The following PLCG2 variants were observed in gnomAD, a reference collection of about 807,000 sequenced individuals.
PLCG2 encodes the protein 1-phosphatidylinositol 4,5-bisphosphate phosphodiesterase gamma-2.
A neutral mutation model predicts 175.6 loss-of-function variants in PLCG2; 69 were observed. The observed-to-expected ratio is 0.39, with a 90% CI of 0.32 to 0.48. PLCG2 has a LOEUF of 0.48. PLCG2 is among the 20% of genes least tolerant of loss of function. The probability of loss-of-function intolerance (pLI) is 0.91; values close to 1 mark genes in which losing one functional copy is unlikely to be tolerated. For missense variants in PLCG2, 1,798 were observed against 1,650.9 expected (o/e 1.09, Z -1.54); for synonymous variants, 827 against 624.0 (o/e 1.33, Z -4.85).
At chr16:81,908,110 C>G (rs1393163878) in intron 16 of PLCG2, among the ~76,000 whole-genome samples, 1 of 152,226 alleles carries the variant, frequency 6.6e-6, no homozygotes, top group Non-Finnish European at 1.5e-5. Context: ...TTTATTTCTG[C>G]AGCCCCCAGG....
chr16:81,746,795 C>T (rs538097340), intron 1 of PLCG2, among the ~76,000 whole-genome samples: 2 of 152,298 alleles, frequency 1.3e-5, no homozygotes, highest in East Asian at 3.9e-4. Context: ...GTGCCTGACA[C>T]ACCTTCATTG....
At chr16:81,790,237 G>C (rs1486822602) in intron 2 of PLCG2, among the ~76,000 whole-genome samples, 3 of 152,202 alleles carry the variant, frequency 2.0e-5, no homozygotes, top group Non-Finnish European at 4.4e-5. Flanking sequence ...AACTAGTGGA[G>C]TCCAGCCTAT....
At chr16:81,824,848 G>A (rs1904976069) in intron 2 of PLCG2, among the ~76,000 whole-genome samples, 1 of 152,212 alleles carries the variant, frequency 6.6e-6, no homozygotes, top group South Asian at 2.1e-4. Flanking sequence ...ATTTTTGCAT[G>A]TGTGATTAAG....
chr16:81,949,354 A>C (rs1226810292), intron 31 of PLCG2, among the ~76,000 whole-genome samples: 2 of 152,188 alleles, frequency 1.3e-5, no homozygotes, highest in African/African-American at 4.8e-5. Flanking sequence ...GTTAAGTTCC[A>C]AGGATAAATT....
exon 2 of PLCG2, chr16:81,755,938 G>A (rs1232347653): frequency 3.3e-5 from 5 of 152,372 alleles, no homozygotes; most frequent in African/African-American, 1.2e-4. Context: ...AGTCCATCTG[G>A]AAGACGGTCC....
At chr16:81,758,844 A>G (rs939937809) in intron 2 of PLCG2, among the ~76,000 whole-genome samples, 5 of 151,934 alleles carry the variant, frequency 3.3e-5, no homozygotes, top group Non-Finnish European at 4.4e-5. Flanking sequence ...TGCCCAGCTA[A>G]TTTTTATATT....
Position 81,936,396 on chromosome 16 carries a change from G to C in PLCG2, c.3052+18G>C, listed in dbSNP as rs540738130. ...GACGGCAGGTAAAGGCCGACTGAAG[G>C]TAGTCCCGTCCCTGCAAGGTGGCGG... On this transcript the variant is annotated intron_variant, in intron 27 of 32. Transcript: ENST00000564138. 3 of 1,606,760 alleles carry C rather than the reference G, an allele frequency of 1.9e-6. No homozygotes were observed. In the South Asian group the frequency reaches 3.3e-5, roughly 18 times the overall value.
At chr16:81,771,072 AT>A (rs1172752134) in intron 2 of PLCG2, among the ~76,000 whole-genome samples, 12 of 147,410 alleles carry the variant, frequency 8.1e-5, no homozygotes, top group African/African-American at 2.6e-4. Flanking sequence ...AAAAAAAAAA[AT>A]AAATAAATAA....
intron 5 of PLCG2, among the ~76,000 whole-genome samples, chr16:81,864,949 C>A (rs950854466): frequency 1.3e-5 from 2 of 152,064 alleles, no homozygotes; most frequent in African/African-American, 4.8e-5. Context: ...TCCCTTGTTT[C>A]CTAACCCACA....
At position 81,937,882 on chromosome 16, in the gene PLCG2, C is replaced by T. The variant is rs1345686950; in HGVS notation, c.3177C>T (p.Ile1059=). Reference sequence around the variant, plus strand: ...TGCCACCCGAGTCCCAGAGGAAGATCCTGATGACGCTGACAGTCAAGGTAA... The same window carrying T: ...TGCCACCCGAGTCCCAGAGGAAGATTCTGATGACGCTGACAGTCAAGGTAA... ...DPMPPESQRK[I]LMTLTVKVLG... The change falls in exon 28 of 33, where the codon ATC becomes ATT. Residue 1059 remains isoleucine, a synonymous_variant. Coordinates refer to ENST00000564138, the MANE Select transcript of PLCG2 (RefSeq NM_002661.5). 1 of 1,613,994 alleles carries T rather than the reference C, an allele frequency of 6.2e-7. No individual in the cohort carries two copies. Among genetic ancestry groups the T allele is most frequent in the African/African-American group, 1.3e-5 (1 of 74,922 alleles).
intron 2 of PLCG2, among the ~76,000 whole-genome samples, chr16:81,796,934 C>A (rs1481102540): frequency 6.6e-6 from 1 of 152,168 alleles, no homozygotes; most frequent in African/African-American, 2.4e-5. Context: ...GTAACAGGGG[C>A]CTGAGGGCAA....
At chr16:81,915,704 G>A (rs923274941) in intron 19 of PLCG2, among the ~76,000 whole-genome samples, 3 of 152,230 alleles carry the variant, frequency 2.0e-5, no homozygotes, top group Non-Finnish European at 2.9e-5. Flanking sequence ...CCCCGATGCT[G>A]TGGATCGGGA....
intron 1 of PLCG2, among the ~76,000 whole-genome samples, chr16:81,785,294 A>G (rs957805629): frequency 6.6e-6 from 1 of 152,072 alleles, no homozygotes; most frequent in Non-Finnish European, 1.5e-5. Flanking sequence ...CTCCCATTTT[A>G]AAAAGGCTAA....
chr16:81,913,095 G>C (rs1661815307), intron 19 of PLCG2, among the ~76,000 whole-genome samples: 1 of 152,198 alleles, frequency 6.6e-6, no homozygotes, highest in Non-Finnish European at 1.5e-5. Context: ...AGGCAGCCCA[G>C]GCCTGTGATG....
intron 5 of PLCG2, 86 bp downstream of exon 5, chr16:81,859,249 C>A: frequency 1.1e-6 from 1 of 875,820 alleles, no homozygotes; most frequent in South Asian, 1.4e-5. Flanking sequence ...GGGAGCATGA[C>A]TTGTCGGGAG....
In PLCG2 at chr16:81,948,597, T is replaced by G. The variant is rs1183332487; in HGVS notation, c.3570+2334T>G. 3.3e-5 allele frequency among the ~76,000 whole-genome samples: 5 copies of G among 152,278 alleles called. No homozygotes were observed. The South Asian group carries it at 8.3e-4, about 25-fold the overall frequency. On this transcript the variant is annotated intron_variant, in intron 31 of 32. Coordinates refer to ENST00000564138, the MANE Select transcript of PLCG2 (RefSeq NM_002661.5). Reference sequence around the variant, plus strand: ...ATCCCTTTGTAGAAGATTGCACACTTTAGAATCCTGGAGGTCCAGGACTGG... The same window carrying G: ...ATCCCTTTGTAGAAGATTGCACACTGTAGAATCCTGGAGGTCCAGGACTGG...
chr16:81,793,435 G>T (rs753201337), intron 2 of PLCG2, among the ~76,000 whole-genome samples: 3 of 152,196 alleles, frequency 2.0e-5, no homozygotes, highest in African/African-American at 7.2e-5. Context: ...AGCCGATGTG[G>T]TGCCACCTGT....
At chr16:81,845,433 T>C (rs1906064105) in intron 2 of PLCG2, among the ~76,000 whole-genome samples, 1 of 152,220 alleles carries the variant, frequency 6.6e-6, no homozygotes, top group Non-Finnish European at 1.5e-5. Context: ...AGTATCACTA[T>C]CACTCCTGTT....
At chr16:81,831,360 C>T (rs970483562) in intron 2 of PLCG2, among the ~76,000 whole-genome samples, 1 of 152,184 alleles carries the variant, frequency 6.6e-6, no homozygotes, top group Non-Finnish European at 1.5e-5. Flanking sequence ...CGGACGTGAC[C>T]ATCATCGTGA....
Sources: gnomAD v4.1 joint callset for allele counts (sites outside exome capture counted in the v4.1 genomes callset) on GRCh38, gnomAD v4.1.1 for gene constraint, MANE v1.5 for transcripts, NCBI Gene and HGNC (gene_info 2026-07-23, HGNC 2026-07-21) for gene names.